PCDHA4: variants seen among roughly 807,000 people sequenced by gnomAD.
The protein encoded by PCDHA4 is protocadherin alpha-4.
PCDHA4 carries 49 observed loss-of-function variants against 61.4 expected under a neutral mutation model. That is an observed-to-expected ratio of 0.80 (90% CI 0.63 to 1.01). The LOEUF (loss-of-function observed/expected upper bound fraction) is 1.01, where lower values mean the gene tolerates loss of function less well. PCDHA4 is among the 50% of genes least tolerant of loss of function. PCDHA4 has a pLI of 0.00. For synonymous variants in PCDHA4, 590 were observed against 550.3 expected (o/e 1.07, Z -1.01); for missense variants, 1,254 against 1,235.8 (o/e 1.01, Z -0.22).
chr5:140,933,715 G>C (rs1292658358), intron 1 of PCDHA4, among the ~76,000 whole-genome samples: 1 of 151,902 alleles, frequency 6.6e-6, no homozygotes, highest in Non-Finnish European at 1.5e-5. Flanking sequence ...ACTGAGATTG[G>C]TGATACAGCT....
chr5:141,009,491 C>G, intron 3 of PCDHA4, 136 bp from the exon 4 acceptor site: 1 of 1,475,722 alleles, frequency 6.8e-7, no homozygotes, highest in Non-Finnish European at 9.0e-7. Flanking sequence ...GCCTTGCCCT[C>G]AGACTTGAAC....
intron 1 of PCDHA4, among the ~76,000 whole-genome samples, chr5:140,949,947 A>G (rs1554219242): frequency 6.6e-6 from 1 of 151,676 alleles, no homozygotes; most frequent in African/African-American, 2.4e-5. Flanking sequence ...TGCATTTTTT[A>G]GTGGTTGCTG....
At chr5:140,880,420 A>C (rs1554171279) in intron 1 of PCDHA4, among the ~76,000 whole-genome samples, 2 of 152,230 alleles carry the variant, frequency 1.3e-5, no homozygotes, top group Non-Finnish European at 2.9e-5. Context: ...TAAAAGCGGG[A>C]ACAGTTTTTC....
At chr5:140,980,440 G>A (rs1317929590) in intron 2 of PCDHA4, among the ~76,000 whole-genome samples, 1 of 152,144 alleles carries the variant, frequency 6.6e-6, no homozygotes, top group African/African-American at 2.4e-5. Flanking sequence ...GACCATCCTG[G>A]ACAACACGGT....
rs1297383367 is a variant in PCDHA4 at position 140,898,744 on chromosome 5, G to T, written c.2386-80205G>T. ...CTGTGAAGAAAGTCATTGGTAGCTT[G>T]ATGGGGATGGCATTGAATCTGTAAA... is the stretch of plus-strand genomic sequence containing the variant. On this transcript the variant is annotated intron_variant, in intron 1 of 3. Coordinates refer to ENST00000530339, the MANE Select transcript of PCDHA4 (RefSeq NM_018907.4). 1.1e-4 allele frequency among the ~76,000 whole-genome samples: 17 copies of T among 152,248 alleles called. 2 individuals are homozygous for T. Among genetic ancestry groups the T allele is most frequent in the East Asian group, 7.7e-4 (4 of 5,188 alleles).
chr5:140,926,890 A>C, intron 1 of PCDHA4: 2 of 1,543,874 alleles, frequency 1.3e-6, no homozygotes, highest in Non-Finnish European at 1.7e-6. Context: ...GCCTAGAGGG[A>C]GGATGGTGGG....
intron 1 of PCDHA4, chr5:140,822,238 G>A: frequency 6.2e-7 from 1 of 1,614,216 alleles, no homozygotes; most frequent in South Asian, 1.1e-5. Flanking sequence ...TCCGCTAGAG[G>A]GCGCGTCGGA....
At chr5:140,990,542 C>T (rs2097399330) in intron 3 of PCDHA4, among the ~76,000 whole-genome samples, 1 of 152,180 alleles carries the variant, frequency 6.6e-6, no homozygotes, top group South Asian at 2.1e-4. Context: ...ATCATAGATA[C>T]TGTATTACCC....
At chr5:140,871,679 A>G (rs2053261430) in intron 1 of PCDHA4, 2 of 1,116,800 alleles carry the variant, frequency 1.8e-6, no homozygotes, top group Admixed American at 3.1e-5. Flanking sequence ...TAATCATATG[A>G]ATAATCTGGC....
intron 1 of PCDHA4, chr5:140,847,315 A>C (rs2150398811): frequency 1.3e-5 from 2 of 149,940 alleles, no homozygotes; most frequent in Non-Finnish European, 3.0e-5. Context: ...AATCAAGGAC[A>C]GAAGCAATTG....
chr5:140,909,545 C>T (rs2074570694), intron 1 of PCDHA4, among the ~76,000 whole-genome samples: 2 of 152,142 alleles, frequency 1.3e-5, no homozygotes, highest in African/African-American at 4.8e-5. Context: ...TTGATGGTGG[C>T]ACTAATCTCT....
chr5:140,848,583 C>T (rs2040479456), intron 1 of PCDHA4: 1 of 1,595,014 alleles, frequency 6.3e-7, no homozygotes, highest in Non-Finnish European at 8.6e-7. Flanking sequence ...GGGGAGCGGC[C>T]AGCTCCACTA....
intron 1 of PCDHA4, among the ~76,000 whole-genome samples, chr5:140,912,283 A>G (rs1442282452): frequency 6.6e-6 from 1 of 152,104 alleles, no homozygotes; most frequent in Non-Finnish European, 1.5e-5. Flanking sequence ...ACCCAGGAAC[A>G]ATACTTTGCC....
chr5:140,982,014 C>A (rs546904836), intron 2 of PCDHA4, among the ~76,000 whole-genome samples: 1 of 152,152 alleles, frequency 6.6e-6, no homozygotes, highest in Admixed American at 6.5e-5. Context: ...AATTAGATAG[C>A]CAAATTGGAA....
chr5:140,926,852 T>C, intron 1 of PCDHA4: 2 of 1,517,714 alleles, frequency 1.3e-6, no homozygotes, highest in Non-Finnish European at 1.8e-6. Flanking sequence ...GGGTCACCGT[T>C]GGTGTAGCGT....
At chr5:140,987,956 C>T (rs1270495363) in intron 3 of PCDHA4, among the ~76,000 whole-genome samples, 2 of 152,144 alleles carry the variant, frequency 1.3e-5, no homozygotes, top group African/African-American at 4.8e-5. Flanking sequence ...ACAAAACCAA[C>T]TCCCCATGGA....
intron 1 of PCDHA4, among the ~76,000 whole-genome samples, chr5:140,948,708 C>A (rs1376587735): frequency 6.6e-6 from 1 of 151,114 alleles, no homozygotes; most frequent in Non-Finnish European, 1.5e-5. Flanking sequence ...TGTGTTCTAT[C>A]CTCTTTTTTA....
At chr5:140,870,154 G>A (rs1243170344) in intron 1 of PCDHA4, 2 of 1,614,130 alleles carry the variant, frequency 1.2e-6, no homozygotes, top group Non-Finnish European at 8.5e-7. Context: ...TGAAGTCGCC[G>A]TGACTTCCTT....
chr5:140,923,110 A>G (rs2081174881), intron 1 of PCDHA4, among the ~76,000 whole-genome samples: 1 of 152,184 alleles, frequency 6.6e-6, no homozygotes, highest in South Asian at 2.1e-4. Flanking sequence ...TATGATTTTA[A>G]GTTTTTAGGG....
Sources: allele counts gnomAD v4.1 joint callset (sites outside exome capture counted in the v4.1 genomes callset), GRCh38; gene constraint gnomAD v4.1.1; transcripts MANE v1.5; gene names NCBI Gene and HGNC (gene_info 2026-07-23, HGNC 2026-07-21).